NXPH2: variants seen among roughly 807,000 people sequenced by gnomAD.
The protein encoded by NXPH2 is neurexophilin 2.
A neutral mutation model predicts 19.8 loss-of-function variants in NXPH2; 5 were observed. That is an observed-to-expected ratio of 0.25 (90% confidence interval 0.13 to 0.53). The LOEUF (loss-of-function observed/expected upper bound fraction) is 0.53, where lower values mean the gene tolerates loss of function less well. Ranked by LOEUF, NXPH2 falls within the 20% of genes least tolerant of loss-of-function variation. The pLI, the probability that NXPH2 is intolerant of heterozygous loss-of-function variation, is 0.96. For synonymous variants in NXPH2, 154 were observed against 127.4 expected (o/e 1.21, Z -1.41); for missense variants, 289 against 322.8 (o/e 0.90, Z 0.80).
intron 1 of NXPH2, among the ~76,000 whole-genome samples, chr2:138,775,329 G>A (rs1240407827): frequency 6.6e-6 from 1 of 151,998 alleles, no homozygotes; most frequent in Non-Finnish European, 1.5e-5. Flanking sequence ...TAAAATAGAA[G>A]TTTTCAGTCA....
At chr2:138,738,954 GC>G (rs1264743236) in intron 1 of NXPH2, among the ~76,000 whole-genome samples, 2 of 152,118 alleles carry the variant, frequency 1.3e-5, no homozygotes, top group African/African-American at 2.4e-5. Flanking sequence ...AAATTAACAA[GC>G]CCTGAAAGAA....
intron 1 of NXPH2, among the ~76,000 whole-genome samples, chr2:138,777,346 G>A (rs975775411): frequency 2.6e-5 from 4 of 152,018 alleles, no homozygotes; most frequent in Admixed American, 6.6e-5. Flanking sequence ...AAAGGAATAT[G>A]TTCAAGATGG....
chr2:138,720,116 T>C (rs1206877614), intron 1 of NXPH2, among the ~76,000 whole-genome samples: 1 of 150,614 alleles, frequency 6.6e-6, no homozygotes, highest in African/African-American at 2.4e-5. Context: ...AGATGAAACA[T>C]GCAGTTTTAA....
Position 138,671,218 on chromosome 2 carries a change from C to T in NXPH2, c.499G>A (p.Val167Met), listed in dbSNP as rs1680408740. The change falls in exon 2 of 2, where the codon GTG (valine) becomes ATG (methionine). Residue 167 changes from valine (V) to methionine (M), a missense_variant. Physicochemically the swap from Val to Met is conservative, Grantham distance 21. Transcript: ENST00000272641. ...GACTGGGGGGAAACTTCAAATTCCA[C>T]CACCTTGGAGGGTGGTACCAAGCTC... ...SVSLVPPSKVVEFEVSPQSTL... is the reference protein window; with the variant it reads ...SVSLVPPSKVMEFEVSPQSTL... The T allele has an allele frequency of 6.2e-7, 1 of 1,613,834 alleles. No homozygotes were observed. Among genetic ancestry groups the T allele is most frequent in the Non-Finnish European group, 8.5e-7 (1 of 1,179,818 alleles).
chr2:138,670,078 C>G lies in NXPH2; in HGVS notation c.*844G>C, dbSNP rs1429863978. 2.0e-5 allele frequency among the ~76,000 whole-genome samples: 3 copies of G among 152,328 alleles called. No homozygotes were observed. The East Asian group carries it at 5.8e-4, about 29-fold the overall frequency. On this transcript the variant is annotated 3_prime_UTR_variant, in exon 2 of 2. Coordinates refer to ENST00000272641, the MANE Select transcript of NXPH2 (RefSeq NM_007226.3). ...GCTGTTCTACACATGTGTAAAGAAT[C>G]ACACTATCGAATGAATTGAATAAAG...
chr2:138,684,395 A>G (rs1680618438), intron 1 of NXPH2, among the ~76,000 whole-genome samples: 1 of 152,232 alleles, frequency 6.6e-6, no homozygotes, highest in African/African-American at 2.4e-5. Context: ...TAAAGTAAAA[A>G]GTTTATTCTA....
intron 1 of NXPH2, among the ~76,000 whole-genome samples, chr2:138,676,435 G>C (rs16841027): frequency 0.029 from 4,377 of 152,184 alleles, 202 homozygotes; most frequent in African/African-American, 0.1. Flanking sequence ...GACCTAATCA[G>C]AAGACTGGAG....
intron 1 of NXPH2, among the ~76,000 whole-genome samples, chr2:138,685,989 G>A (rs17598060): frequency 0.15 from 22,958 of 152,030 alleles, 1,925 homozygotes; most frequent in East Asian, 0.23. Flanking sequence ...CCCCTCTTAT[G>A]ATGTCTGATT....
At chr2:138,716,176 T>A (rs564723489) in intron 1 of NXPH2, among the ~76,000 whole-genome samples, 4 of 152,338 alleles carry the variant, frequency 2.6e-5, no homozygotes, top group African/African-American at 7.2e-5. Context: ...TCCATTTTTT[T>A]AAATAGCAAC....
Position 138,766,536 on chromosome 2 carries a change from C to T in NXPH2, c.51+13655G>A, listed in dbSNP as rs970156408. Among the ~76,000 whole-genome samples, 45 of 152,108 alleles carry T rather than the reference C, an allele frequency of 3.0e-4. 1 individual carries two copies. Among genetic ancestry groups the T allele is most frequent in the Non-Finnish European group, 2.9e-5 (2 of 68,022 alleles). On this transcript the variant is annotated intron_variant, in intron 1 of 1. Coordinates refer to ENST00000272641, the MANE Select transcript of NXPH2 (RefSeq NM_007226.3). ...CAATGCACAGGATGGCTCCCAACAA[C>T]GAGAAACTATTTGGCTCAAAATGAC... is the stretch of plus-strand genomic sequence containing the variant.
intron 1 of NXPH2, among the ~76,000 whole-genome samples, chr2:138,756,513 T>TA (rs1173638696): frequency 6.6e-5 from 10 of 152,136 alleles, no homozygotes; most frequent in Non-Finnish European, 1.3e-4. Flanking sequence ...CCCAGCTATT[T>TA]AAAAAAGTAG....
intron 1 of NXPH2, among the ~76,000 whole-genome samples, chr2:138,680,058 G>A (rs543066731): frequency 2.0e-5 from 3 of 152,080 alleles, no homozygotes; most frequent in East Asian, 3.9e-4. Flanking sequence ...AAAAGGAGGG[G>A]CAATGAAGTC....
chr2:138,726,325 G>A (rs1681358475), intron 1 of NXPH2, among the ~76,000 whole-genome samples: 1 of 152,128 alleles, frequency 6.6e-6, no homozygotes, highest in African/African-American at 2.4e-5. Flanking sequence ...GATTACAGGC[G>A]TGAGCCACCA....
intron 1 of NXPH2, among the ~76,000 whole-genome samples, chr2:138,716,214 A>G (rs1370862255): frequency 6.6e-6 from 1 of 152,176 alleles, no homozygotes; most frequent in Admixed American, 6.5e-5. Context: ...TCATATGGAT[A>G]TATCTTTTTA....
intron 1 of NXPH2, among the ~76,000 whole-genome samples, chr2:138,745,583 A>T (rs935866394): frequency 1.3e-5 from 2 of 152,140 alleles, no homozygotes; most frequent in African/African-American, 4.8e-5. Context: ...CTAATAACAG[A>T]AAAATAGAGA....
At chr2:138,724,119 G>T in intron 1 of NXPH2, among the ~76,000 whole-genome samples, 1 of 152,028 alleles carries the variant, frequency 6.6e-6, no homozygotes. Context: ...AGGCCTCAGT[G>T]TGTGTTGTTC....
At chr2:138,754,980 T>C (rs1290634742) in intron 1 of NXPH2, among the ~76,000 whole-genome samples, 2 of 152,172 alleles carry the variant, frequency 1.3e-5, no homozygotes, top group African/African-American at 2.4e-5. Context: ...GTTAAGCATC[T>C]TTACATATGT....
chr2:138,754,273 C>T (rs567420410), intron 1 of NXPH2, among the ~76,000 whole-genome samples: 3 of 152,104 alleles, frequency 2.0e-5, no homozygotes, highest in Non-Finnish European at 2.9e-5. Flanking sequence ...CATCACATAT[C>T]CACCATTAGA....
At chr2:138,759,839 C>T (rs1681980601) in intron 1 of NXPH2, among the ~76,000 whole-genome samples, 2 of 151,426 alleles carry the variant, frequency 1.3e-5, no homozygotes, top group South Asian at 2.1e-4. Flanking sequence ...ACGCCATTCT[C>T]CTGCCTCAGC....
Sources: gnomAD v4.1 joint callset for allele counts (sites outside exome capture counted in the v4.1 genomes callset) on GRCh38, gnomAD v4.1.1 for gene constraint, MANE v1.5 for transcripts, NCBI Gene and HGNC (gene_info 2026-07-23, HGNC 2026-07-21) for gene names.